AIG1: variants seen among roughly 807,000 people sequenced by gnomAD.
AIG1 encodes androgen induced 1, also known as androgen-induced gene 1 protein.
Under a neutral mutation model 31.4 loss-of-function variants are expected in AIG1, and 23 were observed. The observed-to-expected ratio is 0.73, with a 90% confidence interval of 0.53 to 1.04. The LOEUF is 1.04. AIG1 is among the 50% of genes least tolerant of loss of function. AIG1 has a pLI of 0.00. For synonymous variants in AIG1, 100 were observed against 110.5 expected, an observed-to-expected ratio of 0.90 and a Z score of 0.60; for missense variants, 274 against 295.0, an observed-to-expected ratio of 0.93 and a Z score of 0.52.
At chr6:143,182,539 C>T (rs1374970881) in intron 3 of AIG1, among the ~76,000 whole-genome samples, 2 of 152,124 alleles carry the variant, frequency 1.3e-5, no homozygotes, top group Non-Finnish European at 2.9e-5. Flanking sequence ...GTAATACCTA[C>T]CCCGAGCAGC....
intron 1 of AIG1, among the ~76,000 whole-genome samples, chr6:143,129,764 C>CA (rs1343522158): frequency 6.6e-6 from 1 of 151,682 alleles, no homozygotes; most frequent in Non-Finnish European, 1.5e-5. Flanking sequence ...CTTATTTATA[C>CA]AAAAAATTGT....
intron 3 of AIG1, 129 bp downstream of exon 3, chr6:143,165,312 A>T: frequency 1.5e-6 from 1 of 663,128 alleles, no homozygotes; most frequent in South Asian, 1.9e-5. Flanking sequence ...ATAATGGGAG[A>T]TTAAAATTAG....
intron 2 of AIG1, among the ~76,000 whole-genome samples, chr6:143,145,994 A>T (rs928170429): frequency 1.3e-5 from 2 of 152,208 alleles, no homozygotes; most frequent in Admixed American, 1.3e-4. Context: ...AGTCCTTCTC[A>T]AAGAAAGATT....
chr6:143,119,475 C>T (rs1310669351), intron 1 of AIG1, among the ~76,000 whole-genome samples: 1 of 152,154 alleles, frequency 6.6e-6, no homozygotes, highest in African/African-American at 2.4e-5. Context: ...CTTGTACTTA[C>T]CTTAACAGAT....
At chr6:143,294,016 C>G (rs183730077) in intron 4 of AIG1, among the ~76,000 whole-genome samples, 1 of 152,246 alleles carries the variant, frequency 6.6e-6, no homozygotes, top group East Asian at 1.9e-4. Flanking sequence ...GGGACTCCTT[C>G]GATCTCCCCC....
At chr6:143,275,141 G>A (rs1796807321) in intron 3 of AIG1, among the ~76,000 whole-genome samples, 1 of 152,102 alleles carries the variant, frequency 6.6e-6, no homozygotes, top group Non-Finnish European at 1.5e-5. Flanking sequence ...TTAAAGTAAA[G>A]GAGAAAAAGA....
intron 1 of AIG1, among the ~76,000 whole-genome samples, chr6:143,096,288 T>G (rs1779786367): frequency 6.6e-6 from 1 of 152,222 alleles, no homozygotes; most frequent in East Asian, 1.9e-4. Flanking sequence ...AATGCTACTT[T>G]AATGAGTACT....
At position 143,284,465 on chromosome 6, in the gene AIG1, C is replaced by T. The variant is rs1797559448; in HGVS notation, c.515+240C>T. On this transcript the variant is annotated intron_variant, in intron 4 of 5. Coordinates refer to ENST00000357847, the MANE Select transcript of AIG1 (RefSeq NM_016108.4). This position sits in a 1 kb window ranked among gnomAD's most constrained non-coding sequence, Gnocchi z 4.4. ...GTAAGCAGTGGTTCTTCCAAGGCTA[C>T]ATTTTTCAACTCTTTTTCAAACTAA... 6.6e-6 allele frequency among the ~76,000 whole-genome samples: 1 copy of T among 152,186 alleles called. No individual in the cohort carries two copies. The highest frequency in any genetic ancestry group is 2.4e-5 in the African/African-American group (1 of 41,434).
At chr6:143,172,642 G>T (rs1007565097) in intron 3 of AIG1, among the ~76,000 whole-genome samples, 1 of 152,096 alleles carries the variant, frequency 6.6e-6, no homozygotes, top group East Asian at 1.9e-4. Flanking sequence ...AATAGAATTG[G>T]TACCAATTCT....
intron 4 of AIG1, among the ~76,000 whole-genome samples, chr6:143,300,101 A>C (rs1298244241): frequency 2.0e-5 from 3 of 152,194 alleles, no homozygotes; most frequent in Non-Finnish European, 2.9e-5. Flanking sequence ...ATTTTAAAGG[A>C]ATAAATCAGT....
At chr6:143,211,165 A>G (rs770800381) in intron 3 of AIG1, among the ~76,000 whole-genome samples, 3 of 152,154 alleles carry the variant, frequency 2.0e-5, no homozygotes, top group Non-Finnish European at 4.4e-5. Context: ...ACCTAAGGTG[A>G]CAGAGTGAGT....
At chr6:143,081,863 A>T (rs1349012452) in intron 1 of AIG1, among the ~76,000 whole-genome samples, 1 of 152,084 alleles carries the variant, frequency 6.6e-6, no homozygotes, top group Non-Finnish European at 1.5e-5. Context: ...ATTACCCCAT[A>T]CTAGGGGTCC....
rs1285511937 is a variant in AIG1, at chr6:143,292,746, A to G, written c.515+8521A>G. On this transcript the variant is annotated intron_variant, in intron 4 of 5. Coordinates refer to ENST00000357847, the MANE Select transcript of AIG1 (RefSeq NM_016108.4). The surrounding 1 kb of genome is among the most constrained non-coding windows in gnomAD (Gnocchi z 4.9). ...CTCAATTTCCTTATCCGAAACAAAAAAAGCATGATGATAGTGATCAGGCAG... is the reference window on the plus strand; with the variant it reads ...CTCAATTTCCTTATCCGAAACAAAAGAAGCATGATGATAGTGATCAGGCAG... Among the ~76,000 whole-genome samples, 5 of 152,348 alleles carry G rather than the reference A, an allele frequency of 3.3e-5. No homozygotes were observed. In the East Asian group the frequency reaches 9.6e-4, roughly 29 times the overall value.
chr6:143,183,236 G>A (rs1022838585), intron 3 of AIG1, among the ~76,000 whole-genome samples: 6 of 143,936 alleles, frequency 4.2e-5, no homozygotes, highest in South Asian at 2.2e-4. Context: ...TCGCTCTGTC[G>A]CCAGGCTGGA....
At chr6:143,271,052 G>A (rs1291656535) in intron 3 of AIG1, among the ~76,000 whole-genome samples, 1 of 152,188 alleles carries the variant, frequency 6.6e-6, no homozygotes, top group East Asian at 1.9e-4. Context: ...ACTCAGACTA[G>A]TCCAAAACCC....
intron 1 of AIG1, among the ~76,000 whole-genome samples, chr6:143,121,281 G>A (rs1782221939): frequency 6.6e-6 from 1 of 152,164 alleles, no homozygotes; most frequent in Non-Finnish European, 1.5e-5. Context: ...CAGCAGAGTT[G>A]CTCTTGTTTG....
In AIG1 at chr6:143,258,660, G is replaced by A. The variant is rs1350358085; in HGVS notation, c.400-25450G>A. Among the ~76,000 whole-genome samples, 1 of 152,216 alleles carries A rather than the reference G, an allele frequency of 6.6e-6. No homozygotes were observed. Among genetic ancestry groups the A allele is most frequent in the East Asian group, 1.9e-4 (1 of 5,196 alleles). On this transcript the variant is annotated intron_variant, in intron 3 of 5. Coordinates refer to ENST00000357847, the MANE Select transcript of AIG1 (RefSeq NM_016108.4). The surrounding 1 kb of genome is among the most constrained non-coding windows in gnomAD (Gnocchi z 4.7). Reference sequence around the variant, plus strand: ...AAGGAACTAGCACAGTTGAGGCAAAGAGACATTTTGAAGAGTATAAATGAA... The same window carrying A: ...AAGGAACTAGCACAGTTGAGGCAAAAAGACATTTTGAAGAGTATAAATGAA...
intron 1 of AIG1, among the ~76,000 whole-genome samples, chr6:143,125,462 T>C (rs1318676306): frequency 6.6e-6 from 1 of 152,228 alleles, no homozygotes; most frequent in Non-Finnish European, 1.5e-5. Flanking sequence ...TTTAATTCAG[T>C]GTTCAAAAAG....
chr6:143,159,927 A>T (rs901660387), intron 2 of AIG1, among the ~76,000 whole-genome samples: 1 of 152,228 alleles, frequency 6.6e-6, no homozygotes, highest in Admixed American at 6.5e-5. Context: ...CTGCAACAGA[A>T]AGAATTGACT....
Sources: gnomAD v4.1 joint callset for allele counts (sites outside exome capture counted in the v4.1 genomes callset) on GRCh38, gnomAD v4.1.1 for gene constraint, Gnocchi (gnomAD v3.1) non-coding constraint, MANE v1.5 for transcripts, NCBI Gene and HGNC (gene_info 2026-07-23, HGNC 2026-07-21) for gene names.